FAM227A: variants seen among roughly 807,000 people sequenced by gnomAD.
FAM227A encodes family with sequence similarity 227 member A.
In FAM227A, 80 loss-of-function variants were observed where a neutral mutation model predicts 74.7. That is an observed-to-expected ratio of 1.07 (90% CI 0.89 to 1.29). FAM227A has a LOEUF of 1.29. FAM227A is among the 50% of genes most tolerant of loss of function. The pLI is 0.00. For synonymous variants in FAM227A, 237 were observed against 241.8 expected, an observed-to-expected ratio of 0.98 and a Z score of 0.19; for missense variants, 654 against 683.4, an observed-to-expected ratio of 0.96 and a Z score of 0.48.
At chr22:38,607,635 C>T (rs966278463) in intron 11 of FAM227A, among the ~76,000 whole-genome samples, 159 bp from the exon 12 acceptor site, 5 of 152,198 alleles carry the variant, frequency 3.3e-5, no homozygotes, top group Admixed American at 6.5e-5. Context: ...CCTTTCAGGT[C>T]CTCCCAGGAG....
chr22:38,641,993 G>A (rs779751330), intron 3 of FAM227A, among the ~76,000 whole-genome samples: 7 of 151,800 alleles, frequency 4.6e-5, no homozygotes, highest in East Asian at 1.9e-4. Flanking sequence ...GTGTGTGCGC[G>A]TGTGTTTGAG....
At chr22:38,650,612 C>T (rs868502699) in intron 1 of FAM227A, among the ~76,000 whole-genome samples, 2 of 152,206 alleles carry the variant, frequency 1.3e-5, no homozygotes, top group African/African-American at 4.8e-5. Context: ...CTCTTTGCTT[C>T]TCTGAGTCCC....
chr22:38,638,947 A>C, intron 4 of FAM227A, 125 bp from the exon 5 acceptor site: 4 of 609,380 alleles, frequency 6.6e-6, no homozygotes, highest in Non-Finnish European at 1.1e-5. Context: ...TACTAGTCTC[A>C]TAGGTCCCAA....
intron 8 of FAM227A, among the ~76,000 whole-genome samples, chr22:38,627,752 G>A (rs959576098): frequency 5.3e-5 from 8 of 151,972 alleles, no homozygotes; most frequent in African/African-American, 1.7e-4. Context: ...ACAGGCAACT[G>A]CCACTCACTC....
Position 38,582,938 on chromosome 22 carries a change from A to C in FAM227A, c.*3187T>G. 1 of 1,550,500 alleles carries C rather than the reference A, an allele frequency of 6.4e-7. No homozygotes were observed. The highest frequency in any genetic ancestry group is 2.4e-5 in the East Asian group (1 of 40,920). On this transcript the variant is annotated 3_prime_UTR_variant, in exon 17 of 17. Transcript: ENST00000535113. ...GGGTCCTGGAGGAAGAGCAGGAATT[A>C]GTGATGTTGGCAGTTAACAAAGAGG...
At chr22:38,601,312 G>T (rs1248217353) in intron 13 of FAM227A, among the ~76,000 whole-genome samples, 1 of 152,080 alleles carries the variant, frequency 6.6e-6, no homozygotes, top group African/African-American at 2.4e-5. Flanking sequence ...GATCCTGAAT[G>T]CTGTGGGGAA....
chr22:38,644,728 G>T (rs5995603), intron 3 of FAM227A, among the ~76,000 whole-genome samples: 2 of 152,020 alleles, frequency 1.3e-5, no homozygotes, highest in African/African-American at 4.8e-5. Flanking sequence ...ATGCGCAGGA[G>T]CAGAGGGTGT....
intron 5 of FAM227A, among the ~76,000 whole-genome samples, chr22:38,638,037 A>G (rs985067736): frequency 6.6e-6 from 1 of 152,244 alleles, no homozygotes; most frequent in East Asian, 1.9e-4. Flanking sequence ...GTGGTGGTGC[A>G]TGTCTTAATC....
At chr22:38,650,649 G>A (rs982612469) in intron 1 of FAM227A, among the ~76,000 whole-genome samples, 84 of 152,136 alleles carry the variant, frequency 5.5e-4, no homozygotes, top group African/African-American at 1.9e-3. Context: ...TGGATTAGGT[G>A]ACCCTAAGGC....
At chr22:38,599,966 T>C (rs1462361281) in intron 13 of FAM227A, 45 bp from the exon 14 acceptor site, 1 of 1,496,098 alleles carries the variant, frequency 6.7e-7, no homozygotes, top group Non-Finnish European at 8.9e-7. Flanking sequence ...TTGTCATTTT[T>C]ACAGTCTGTA....
At chr22:38,635,342 CTG>C (rs1472585862) in intron 6 of FAM227A, among the ~76,000 whole-genome samples, 2 of 151,624 alleles carry the variant, frequency 1.3e-5, no homozygotes, top group African/African-American at 4.8e-5. Flanking sequence ...GTAGAACAGA[CTG>C]AGATGCTGGG....
chr22:38,628,374 TA>T, intron 7 of FAM227A, 32 bp from the exon 8 acceptor site: 2 of 1,390,646 alleles, frequency 1.4e-6, no homozygotes, highest in Non-Finnish European at 2.0e-6. Flanking sequence ...AAGGAATTAC[TA>T]AAGTCCCTTG....
chr22:38,590,572 T>TCCC (rs1300760780), intron 16 of FAM227A, among the ~76,000 whole-genome samples: 2 of 152,162 alleles, frequency 1.3e-5, no homozygotes, highest in Non-Finnish European at 1.5e-5. Context: ...ATCATGACCT[T>TCCC]CCCAGTTATT....
rs999549279 is a variant in FAM227A at position 38,591,519 on chromosome 22, T to C, written c.1554A>G (p.Pro518=). Residue 518 remains proline (P), a synonymous_variant, in exon 16 of 17, where the codon CCA becomes CCG. Coordinates refer to ENST00000535113, the MANE Select transcript of FAM227A (RefSeq NM_001013647.2). ...TTGCCTTTTTTGTATCTGCTGCTTTTGGATCAATATTCTTCATTTCCCTGG... is the reference window on the plus strand; with the variant it reads ...TTGCCTTTTTTGTATCTGCTGCTTTCGGATCAATATTCTTCATTTCCCTGG... The part of the protein sequence containing the change: ...NFSREMKNID[P]KAADTKKANH... 4.5e-6 allele frequency: 7 copies of C among 1,545,358 alleles called. No homozygotes were observed. The highest frequency in any genetic ancestry group is 6.1e-6 in the Non-Finnish European group (7 of 1,145,046).
At chr22:38,618,971 GAA>G (rs1234791699) in intron 11 of FAM227A, among the ~76,000 whole-genome samples, 5 of 81,548 alleles carry the variant, frequency 6.1e-5, no homozygotes, top group East Asian at 4.0e-4. Context: ...CAGCTCTTCA[GAA>G]AAAAAAAAAA....
At chr22:38,586,331 GC>G (rs756192661) in intron 16 of FAM227A, 132 bp from the exon 17 acceptor site, 4 of 1,000,192 alleles carry the variant, frequency 4.0e-6, no homozygotes, top group Non-Finnish European at 5.8e-6. Flanking sequence ...GCGTGCTCCT[GC>G]CTCCAGAGAA....
chr22:38,639,067 C>T (rs2092059893), intron 4 of FAM227A, among the ~76,000 whole-genome samples: 2 of 151,812 alleles, frequency 1.3e-5, no homozygotes, highest in Admixed American at 1.3e-4. Flanking sequence ...AGGCTGTTTC[C>T]TCATCTATAA....
At chr22:38,641,348 G>C (rs2092109897) in intron 3 of FAM227A, among the ~76,000 whole-genome samples, 1 of 152,018 alleles carries the variant, frequency 6.6e-6, no homozygotes, top group Non-Finnish European at 1.5e-5. Context: ...TATTTCCTGG[G>C]TCTGCATTGG....
At chr22:38,616,455 G>C (rs1410123756) in intron 11 of FAM227A, among the ~76,000 whole-genome samples, 1 of 152,156 alleles carries the variant, frequency 6.6e-6, no homozygotes, top group African/African-American at 2.4e-5. Context: ...CTGAGATCAG[G>C]AGTTCGAGGC....
Sources: gnomAD v4.1 joint callset for allele counts (sites outside exome capture counted in the v4.1 genomes callset) on GRCh38, gnomAD v4.1.1 for gene constraint, MANE v1.5 for transcripts, NCBI Gene and HGNC (gene_info 2026-07-23, HGNC 2026-07-21) for gene names.